AGMAT: variants seen among roughly 807,000 people sequenced by gnomAD.
AGMAT encodes agmatinase (putative).
In AGMAT, 37 loss-of-function variants were observed where a neutral mutation model predicts 29.3. The ratio of observed to expected loss-of-function variants is 1.26; its 90% CI spans 0.97 to 1.66. The LOEUF is 1.66. Among genes scored for constraint, AGMAT ranks in the 40% most tolerant of loss-of-function variants. The probability of loss-of-function intolerance (pLI) is 0.00; values close to 1 mark genes in which losing one functional copy is unlikely to be tolerated. For synonymous variants in AGMAT, 199 were observed against 200.8 expected (o/e 0.99, Z 0.08); for missense variants, 498 against 497.8 (o/e 1.00, Z 0.00).
At position 15,578,958 on chromosome 1, in the gene AGMAT, C is replaced by T; in HGVS notation, c.621G>A (p.Arg207=). 1 of 1,614,200 alleles carries T rather than the reference C, an allele frequency of 6.2e-7. No homozygotes were observed. The highest frequency in any genetic ancestry group is 8.5e-7 in the Non-Finnish European group (1 of 1,180,030). ...EKLYHGAPFR[R]CVDEGLLDCK... ...AGTCCAGGAGACCCTCATCCACACA[C>T]CGGCGGAAGGGCGCCCCGTGGTAGA... Residue 207 remains arginine, a synonymous_variant, in exon 4 of 7, where the codon CGG becomes CGA. Coordinates refer to ENST00000375826, the MANE Select transcript of AGMAT (RefSeq NM_024758.5).
chr1:15,574,223 C>G (rs945638178), intron 6 of AGMAT, among the ~76,000 whole-genome samples: 7 of 152,106 alleles, frequency 4.6e-5, no homozygotes, highest in Non-Finnish European at 7.4e-5. Flanking sequence ...TCTTTCTCTT[C>G]TGCTGATTGG....
chr1:15,578,442 G>A (rs1471400290), intron 4 of AGMAT, among the ~76,000 whole-genome samples: 2 of 151,938 alleles, frequency 1.3e-5, no homozygotes, highest in African/African-American at 4.8e-5. Context: ...TTACAGGTGC[G>A]CACCGCCACA....
chr1:15,578,868 G>A lies in AGMAT; in HGVS notation c.711C>T (p.Asn237=). The change falls in exon 4 of 7, where the codon AAC becomes AAT. Residue 237 remains asparagine (N), a synonymous_variant. Transcript: ENST00000375826. The part of the protein sequence containing the change: ...SSTTLDPYRY[N]RSQGFRVVLA... The stretch of plus-strand genomic sequence containing the variant: ...GCATTCGGTCTGTCACCTGGCTCCG[G>A]TTGTATCTGTAGGGATCCAAGGTCG... The A allele has an allele frequency of 6.2e-7, 1 of 1,613,880 alleles. No homozygotes were observed. Among genetic ancestry groups the A allele is most frequent in the Non-Finnish European group, 8.5e-7 (1 of 1,179,852 alleles).
intron 5 of AGMAT, among the ~76,000 whole-genome samples, chr1:15,576,523 G>C (rs901819509): frequency 1.3e-5 from 2 of 150,138 alleles, no homozygotes; most frequent in Admixed American, 6.6e-5. Flanking sequence ...TCCGCCTCCA[G>C]GGTTCAAGCA....
At chr1:15,582,726 G>A (rs1055707892) in intron 2 of AGMAT, among the ~76,000 whole-genome samples, 5 of 152,076 alleles carry the variant, frequency 3.3e-5, no homozygotes, top group Admixed American at 6.6e-5. Context: ...GGCCAGGCGC[G>A]GTGGCTCATG....
In AGMAT at chr1:15,584,681, TCCTTCCGG is replaced by T; in HGVS notation, c.272+7_272+14del. ...TCCCTCCACGTGTACCCGGCCCCCGTCCTTCCGGCCTTACCTCGCCCCAGGCCGGTTGG... is the reference window on the plus strand; with the variant it reads ...TCCCTCCACGTGTACCCGGCCCCCGTCCTTACCTCGCCCCAGGCCGGTTGG... On this transcript the variant is annotated splice_region_variant and intron_variant, in intron 1 of 6. Coordinates refer to ENST00000375826, the MANE Select transcript of AGMAT (RefSeq NM_024758.5). 7.6e-7 allele frequency: 1 copy of T among 1,310,640 alleles called. No individual in the cohort carries two copies. The allele number at this position is 1,310,640 out of a possible 1,614,324, so 81.2% of individuals were successfully genotyped here.
At position 15,585,046 on chromosome 1, in the gene AGMAT, G is replaced by T; in HGVS notation, c.-79C>A. 8.0e-7 allele frequency: 1 copy of T among 1,255,816 alleles called. No homozygotes were observed. The highest frequency in any genetic ancestry group is 1.0e-6 in the Non-Finnish European group (1 of 1,000,602). The allele number at this position is 1,255,816 out of a possible 1,614,324, so 77.8% of individuals were successfully genotyped here. On this transcript the variant is annotated 5_prime_UTR_variant, in exon 1 of 7. Transcript: ENST00000375826. ...TCTGGCTGGTCCCGAACGGCGAGGC[G>T]AGTGTGCACGCGCCAGAGCCGGAAC...
intron 2 of AGMAT, among the ~76,000 whole-genome samples, chr1:15,581,358 TAAATA>T (rs1164548206): frequency 6.6e-6 from 1 of 151,888 alleles, no homozygotes; most frequent in Non-Finnish European, 1.5e-5. Flanking sequence ...CAAAAATAAA[TAAATA>T]AAAGAGGAAA....
At chr1:15,577,927 GC>G in intron 4 of AGMAT, 63 bp from the exon 5 acceptor site, 1 of 1,521,530 alleles carries the variant, frequency 6.6e-7, no homozygotes, top group South Asian at 1.2e-5. Flanking sequence ...CTGTTTGCCA[GC>G]CCCATGCTCA....
chr1:15,583,239 C>G lies in AGMAT; in HGVS notation c.429G>C (p.Glu143Asp). 1 of 1,614,100 alleles carries G rather than the reference C, an allele frequency of 6.2e-7. No individual in the cohort carries two copies. Among genetic ancestry groups the G allele is most frequent in the Non-Finnish European group, 8.5e-7 (1 of 1,180,036 alleles). ...CAGCTGCTACAATTTTCTCATAGGCCTCTTGAATTCGCCGGCAGCTGTCCT... is the reference window on the plus strand; with the variant it reads ...CAGCTGCTACAATTTTCTCATAGGCGTCTTGAATTCGCCGGCAGCTGTCCT... The part of the protein sequence containing the change: ...NLQDSCRRIQ[E>D]AYEKIVAAGC... Residue 143 changes from glutamate to aspartate, a missense_variant, in exon 2 of 7, where the codon GAG (glutamate) becomes GAC (aspartate). By Grantham distance (45) the Glu-to-Asp change is conservative. Coordinates refer to ENST00000375826, the MANE Select transcript of AGMAT (RefSeq NM_024758.5).
Position 15,584,678 on chromosome 1 carries a change from C to G in AGMAT, c.272+18G>C. On this transcript the variant is annotated intron_variant, in intron 1 of 6. Coordinates refer to ENST00000375826, the MANE Select transcript of AGMAT (RefSeq NM_024758.5). ...CAGTCCCTCCACGTGTACCCGGCCC[C>G]CGTCCTTCCGGCCTTACCTCGCCCC... The G allele has an allele frequency of 7.6e-7, 1 of 1,307,474 alleles. No individual in the cohort carries two copies. The highest frequency in any genetic ancestry group is 9.8e-7 in the Non-Finnish European group (1 of 1,023,262). The allele number at this position is 1,307,474 out of a possible 1,614,324, so 81.0% of individuals were successfully genotyped here.
chr1:15,584,103 C>T (rs1366606719), intron 1 of AGMAT, among the ~76,000 whole-genome samples: 4 of 152,268 alleles, frequency 2.6e-5, no homozygotes, highest in Non-Finnish European at 5.9e-5. Context: ...CAGCAAGGCC[C>T]CAGGATGGGG....
At chr1:15,577,126 G>C (rs1201266126) in intron 5 of AGMAT, among the ~76,000 whole-genome samples, 4 of 151,998 alleles carry the variant, frequency 2.6e-5, no homozygotes, top group African/African-American at 7.2e-5. Context: ...TGAACTGAAG[G>C]CAGGAAGAGC....
chr1:15,584,500 T>C, intron 1 of AGMAT, among the ~76,000 whole-genome samples, 196 bp downstream of exon 1: 1 of 152,110 alleles, frequency 6.6e-6, no homozygotes, highest in East Asian at 1.9e-4. Context: ...GCCACGCCCA[T>C]GTTGAGCCCT....
At chr1:15,578,830 G>A in intron 4 of AGMAT, 29 bp downstream of exon 4, 2 of 1,607,832 alleles carry the variant, frequency 1.2e-6, no homozygotes, top group African/African-American at 1.3e-5. Flanking sequence ...ATTTTGAGGG[G>A]CAAGGGTGGG....
intron 1 of AGMAT, among the ~76,000 whole-genome samples, chr1:15,583,824 A>G (rs1209765488): frequency 1.3e-5 from 2 of 152,228 alleles, no homozygotes; most frequent in East Asian, 1.9e-4. Context: ...GAGACATTTA[A>G]TAAGTGCTGG....
rs1363734066 is a variant in AGMAT, at chr1:15,583,365, T to C, written c.303A>G (p.Ser101=). ...TAGGATTGACTGTCCCAAGCATCAC[T>C]GATTCTTCCCGGATGCGGCGAGGTC... ...RFGPRRIREE[S]VMLGTVNPST... Residue 101 remains serine, a synonymous_variant, in exon 2 of 7, where the codon TCA becomes TCG. Coordinates refer to ENST00000375826, the MANE Select transcript of AGMAT (RefSeq NM_024758.5). 7.4e-6 allele frequency: 12 copies of C among 1,614,078 alleles called. No individual in the cohort carries two copies. Among genetic ancestry groups the C allele is most frequent in the Middle Eastern group, 1.7e-4 (1 of 6,014 alleles).
chr1:15,584,214 C>T (rs1471764839), intron 1 of AGMAT, among the ~76,000 whole-genome samples: 1 of 152,266 alleles, frequency 6.6e-6, no homozygotes, highest in Non-Finnish European at 1.5e-5. Flanking sequence ...GCAATCTCAG[C>T]TCACTGCAAC....
Position 15,584,993 on chromosome 1 carries a change from G to C in AGMAT, c.-26C>G. 1 of 1,292,572 alleles carries C rather than the reference G, an allele frequency of 7.7e-7. No homozygotes were observed. The highest frequency in any genetic ancestry group is 9.8e-7 in the Non-Finnish European group (1 of 1,024,500). The allele number at this position is 1,292,572 out of a possible 1,614,324, so 80.1% of individuals were successfully genotyped here. On this transcript the variant is annotated 5_prime_UTR_variant, in exon 1 of 7. Transcript: ENST00000375826. ...TGCCGCGCGCGGCCAAGACCTCACC[G>C]ACCAAACCGCCCGCGAGGCCGCCGC...
Sources: allele counts gnomAD v4.1 joint callset (sites outside exome capture counted in the v4.1 genomes callset), GRCh38; gene constraint gnomAD v4.1.1; transcripts MANE v1.5; gene names NCBI Gene and HGNC (gene_info 2026-07-23, HGNC 2026-07-21).